CC2D2B: variants seen among roughly 807,000 people sequenced by gnomAD.
CC2D2B encodes the protein protein CC2D2B.
A neutral mutation model predicts 161.2 loss-of-function variants in CC2D2B; 128 were observed. The ratio of observed to expected loss-of-function variants is 0.79; its 90% CI spans 0.69 to 0.92. The LOEUF (loss-of-function observed/expected upper bound fraction) is 0.92. Among genes scored for constraint, CC2D2B ranks in the 40% least tolerant of loss-of-function variants. The pLI is 0.00. For missense variants in CC2D2B, 1,173 were observed against 1,375.1 expected (o/e 0.85, Z 2.32); for synonymous variants, 391 against 449.8 (o/e 0.87, Z 1.65).
intron 10 of CC2D2B, among the ~76,000 whole-genome samples, chr10:95,954,373 C>A: frequency 6.6e-6 from 1 of 152,070 alleles, no homozygotes; most frequent in Admixed American, 6.6e-5. Context: ...TCATTTATTT[C>A]CCTATTGATT....
chr10:95,963,674 T>TA (rs2076844255), intron 12 of CC2D2B, among the ~76,000 whole-genome samples: 2 of 152,090 alleles, frequency 1.3e-5, no homozygotes, highest in African/African-American at 2.4e-5. Context: ...AAGCACCCGT[T>TA]AGAGTATTTT....
intron 29 of CC2D2B, 45 bp downstream of exon 29, chr10:96,013,922 T>G (rs757915544): frequency 2.2e-6 from 2 of 921,912 alleles, no homozygotes; most frequent in Non-Finnish European, 3.0e-6. Context: ...ATATAGTATT[T>G]CTTTTAAGGA....
At position 95,997,803 on chromosome 10, in the gene CC2D2B, G is replaced by A. The variant is rs144584833; in HGVS notation, c.2849+1551G>A. Among the ~76,000 whole-genome samples the A allele has an allele frequency of 5.1e-4, 77 of 152,292 alleles. No homozygotes were observed. In the South Asian group the frequency reaches 8.1e-3, roughly 16 times the overall value. ...GTTCCCAGTGGTTCTAATGCTACTA[G>A]TCAGGTGACACTTTGAGAACCTGTT... On this transcript the variant is annotated intron_variant, in intron 24 of 34. Transcript: ENST00000646931.
chr10:96,014,110 T>C (rs2079097973), intron 29 of CC2D2B, among the ~76,000 whole-genome samples: 1 of 152,180 alleles, frequency 6.6e-6, no homozygotes, highest in Non-Finnish European at 1.5e-5. Flanking sequence ...TCAACGGGAA[T>C]TCCAGGAGTA....
At position 95,965,967 on chromosome 10, in the gene CC2D2B, G is replaced by C; in HGVS notation, c.1322G>C (p.Gly441Ala). The C allele has an allele frequency of 8.2e-7, 1 of 1,216,274 alleles. No individual in the cohort carries two copies. Among genetic ancestry groups the C allele is most frequent in the Non-Finnish European group, 1.0e-6 (1 of 973,984 alleles). The allele number at this position is 1,216,274 out of a possible 1,614,324, so 75.3% of individuals were successfully genotyped here. Residue 441 changes from glycine to alanine, a missense_variant, in exon 13 of 35, where the codon GGA (glycine) becomes GCA (alanine). Gly to Ala is a moderately conservative substitution (Grantham distance 60, BLOSUM62 0). Around this residue, in one of 3 missense-constraint regions of CC2D2B, gnomAD observed 277 missense variants for 420.6 expected, o/e 0.66. Coordinates refer to ENST00000646931, the MANE Select transcript of CC2D2B (RefSeq NM_001349008.3). ...EMSETEKKNE[G>A]KELKNGKKLE... ...TCTGAAACTGAGAAGAAAAATGAAG[G>C]AAAAGAACTTAAGAATGGGAAAAAA...
chr10:95,964,386 G>T (rs1367245254), intron 12 of CC2D2B, among the ~76,000 whole-genome samples: 1 of 152,106 alleles, frequency 6.6e-6, no homozygotes, highest in Non-Finnish European at 1.5e-5. Context: ...TTAGTATGGG[G>T]TATGGTCTGG....
intron 32 of CC2D2B, among the ~76,000 whole-genome samples, chr10:96,022,920 A>G (rs931774578): frequency 2.0e-5 from 3 of 152,092 alleles, no homozygotes; most frequent in Admixed American, 6.5e-5. Flanking sequence ...TGAGTGAGGA[A>G]GGGTGAGCAG....
rs770714220 is a variant in CC2D2B, at chr10:96,019,347, T to C, written c.3765+10T>C. The C allele has an allele frequency of 6.2e-7, 1 of 1,600,166 alleles. No homozygotes were observed. Among genetic ancestry groups the C allele is most frequent in the Non-Finnish European group, 8.5e-7 (1 of 1,175,944 alleles). ...GTTTGATGATAGAAATGTAAGTATA[T>C]GGGGAAAAAAAATCTTGAGTTATCT... On this transcript the variant is annotated intron_variant, in intron 31 of 34. Coordinates refer to ENST00000646931, the MANE Select transcript of CC2D2B (RefSeq NM_001349008.3).
chr10:95,913,829 C>T (rs7101331), intron 2 of CC2D2B, among the ~76,000 whole-genome samples: 94,827 of 152,034 alleles, frequency 0.62, 30,146 homozygotes, highest in Admixed American at 0.7. Context: ...CATTTTCCTA[C>T]TGAGTTGTTT....
intron 6 of CC2D2B, among the ~76,000 whole-genome samples, chr10:95,933,790 G>A (rs2075701114): frequency 6.6e-6 from 1 of 152,146 alleles, no homozygotes; most frequent in Non-Finnish European, 1.5e-5. Flanking sequence ...GATGCCAGCG[G>A]AGCTCTCCTG....
intron 32 of CC2D2B, among the ~76,000 whole-genome samples, 160 bp from the exon 33 acceptor site, chr10:96,024,690 AAAT>A (rs2079616570): frequency 6.6e-6 from 1 of 152,092 alleles, no homozygotes; most frequent in Admixed American, 6.5e-5. Flanking sequence ...AGCAGTGTGA[AAAT>A]AAAAGAAAAT....
chr10:95,978,888 ATT>A, intron 17 of CC2D2B, among the ~76,000 whole-genome samples: 1 of 151,740 alleles, frequency 6.6e-6, no homozygotes, highest in East Asian at 1.9e-4. Flanking sequence ...TCATATCTAC[ATT>A]TTCTTATTTC....
chr10:95,936,327 G>A (rs1590435247), intron 6 of CC2D2B, among the ~76,000 whole-genome samples: 1 of 152,180 alleles, frequency 6.6e-6, no homozygotes, highest in South Asian at 2.1e-4. Flanking sequence ...TACTTCTTTT[G>A]TAAGAGGCTG....
At chr10:95,910,580 A>G (rs950107990) in intron 1 of CC2D2B, among the ~76,000 whole-genome samples, 1 of 152,150 alleles carries the variant, frequency 6.6e-6, no homozygotes, top group African/African-American at 2.4e-5. Flanking sequence ...CACCCCCACA[A>G]TCCAATCACT....
chr10:96,026,282 CTG>C (rs1411484983), intron 33 of CC2D2B, among the ~76,000 whole-genome samples: 1 of 152,190 alleles, frequency 6.6e-6, no homozygotes, highest in Non-Finnish European at 1.5e-5. Context: ...CCAACCCACA[CTG>C]TGTCCCCTCT....
intron 2 of CC2D2B, among the ~76,000 whole-genome samples, chr10:95,915,672 G>T (rs2098514849): frequency 6.6e-6 from 1 of 152,098 alleles, no homozygotes; most frequent in East Asian, 1.9e-4. Context: ...TATGGTTTTT[G>T]TCTCTCATTC....
chr10:95,964,319 A>G (rs1394855790), intron 12 of CC2D2B, among the ~76,000 whole-genome samples: 1 of 152,186 alleles, frequency 6.6e-6, no homozygotes, highest in East Asian at 1.9e-4. Context: ...CTTATTCCCC[A>G]AATTATTATA....
intron 2 of CC2D2B, among the ~76,000 whole-genome samples, chr10:95,918,331 T>C (rs1453885876): frequency 2.0e-5 from 3 of 152,236 alleles, no homozygotes; most frequent in African/African-American, 7.2e-5. Context: ...AGCTTTTGTT[T>C]GTCTTGGAAA....
intron 21 of CC2D2B, 36 bp from the exon 22 acceptor site, chr10:95,992,491 C>A: frequency 8.1e-7 from 1 of 1,229,566 alleles, no homozygotes; most frequent in Non-Finnish European, 1.0e-6. Context: ...ACCAAGAAAA[C>A]GTAAATGAGG....
Sources: allele counts gnomAD v4.1 joint callset (sites outside exome capture counted in the v4.1 genomes callset), GRCh38; gene constraint gnomAD v4.1.1; regional missense constraint gnomAD v4.1.1; transcripts MANE v1.5; gene names NCBI Gene and HGNC (gene_info 2026-07-23, HGNC 2026-07-21).